Variants in TBL1XR1 observed in about 807,000 individuals in gnomAD.
TBL1XR1 encodes F-box-like/WD repeat-containing protein TBL1XR1.
A neutral mutation model predicts 66.9 loss-of-function variants in TBL1XR1; 5 were observed. The ratio of observed to expected loss-of-function variants is 0.07; its 90% confidence interval spans 0.04 to 0.16. TBL1XR1 has a LOEUF of 0.16. Among genes scored for constraint, TBL1XR1 ranks in the 10% least tolerant of loss-of-function variants. The probability of loss-of-function intolerance (pLI) is 1.00; values close to 1 mark genes in which losing one functional copy is unlikely to be tolerated. For synonymous variants in TBL1XR1, 210 were observed against 206.0 expected, an observed-to-expected ratio of 1.02 and a Z score of -0.17; for missense variants, 238 against 623.2, an observed-to-expected ratio of 0.38 and a Z score of 6.58.
intron 10 of TBL1XR1, among the ~76,000 whole-genome samples, chr3:177,038,848 T>C (rs1715171785): frequency 6.6e-6 from 1 of 152,170 alleles, no homozygotes; most frequent in African/African-American, 2.4e-5. Flanking sequence ...CACAAGCAAG[T>C]CACTTAACCT....
chr3:177,044,355 T>C (rs546631128), intron 10 of TBL1XR1, among the ~76,000 whole-genome samples: 5 of 152,158 alleles, frequency 3.3e-5, no homozygotes, highest in Non-Finnish European at 5.9e-5. Flanking sequence ...TACCAACTAA[T>C]AGCCAGCTGC....
chr3:177,049,825 G>T (rs1160707946), intron 7 of TBL1XR1, among the ~76,000 whole-genome samples, 172 bp downstream of exon 7: 1 of 152,172 alleles, frequency 6.6e-6, no homozygotes, highest in Non-Finnish European at 1.5e-5. Context: ...ACTAAGGCAA[G>T]TCTGTGTCCC....
chr3:177,058,586 A>T (rs1216697775), intron 3 of TBL1XR1, among the ~76,000 whole-genome samples: 2 of 152,242 alleles, frequency 1.3e-5, no homozygotes, highest in African/African-American at 2.4e-5. Context: ...ATCTATATGT[A>T]TAGGCTTTTG....
At chr3:177,035,387 A>G (rs1576986249) in intron 12 of TBL1XR1, among the ~76,000 whole-genome samples, 1 of 146,786 alleles carries the variant, frequency 6.8e-6, no homozygotes. Context: ...ACTCTGTACT[A>G]CCTACACAGT....
chr3:177,106,258 C>T (rs1323706657), intron 1 of TBL1XR1, among the ~76,000 whole-genome samples: 1 of 151,890 alleles, frequency 6.6e-6, no homozygotes, highest in Admixed American at 6.6e-5. Flanking sequence ...GTATTTTTTT[C>T]CTATTCAATA....
intron 12 of TBL1XR1, among the ~76,000 whole-genome samples, chr3:177,035,419 T>TTC (rs1714637530): frequency 6.6e-6 from 1 of 150,740 alleles, no homozygotes; most frequent in Non-Finnish European, 1.5e-5. Flanking sequence ...CCCAATTTTT[T>TTC]TTTTTTTTTT....
intron 1 of TBL1XR1, among the ~76,000 whole-genome samples, chr3:177,149,497 T>G (rs1195155688): frequency 1.3e-5 from 2 of 152,230 alleles, no homozygotes; most frequent in Admixed American, 1.3e-4. Flanking sequence ...AATGGCTAAT[T>G]TACTAATAGG....
rs545822910 is a variant in TBL1XR1, at chr3:177,065,800, A to T, written c.-45-778T>A. Among the ~76,000 whole-genome samples the T allele has an allele frequency of 7.9e-5, 12 of 152,342 alleles. No individual in the cohort carries two copies. In the South Asian group the frequency reaches 2.1e-3, roughly 26 times the overall value. On this transcript the variant is annotated intron_variant, in intron 2 of 15. Transcript: ENST00000457928. ...CCATACAGCCTGTTACAATTACTCA[A>T]TTCTGCTGTGTGGTGCAAAAGCAGC...
chr3:177,030,131 T>TAGAGAG (rs72403499), intron 14 of TBL1XR1, among the ~76,000 whole-genome samples: 6 of 149,388 alleles, frequency 4.0e-5, no homozygotes, highest in African/African-American at 1.5e-4. Flanking sequence ...TATATATATA[T>TAGAGAG]AGAGAGAGAG....
intron 2 of TBL1XR1, chr3:177,078,801 T>G (rs976945731): frequency 4.0e-5 from 6 of 150,806 alleles, no homozygotes; most frequent in Admixed American, 2.6e-4. Flanking sequence ...TACAAAAAAT[T>G]AGCCGAGCAT....
intron 1 of TBL1XR1, among the ~76,000 whole-genome samples, chr3:177,111,076 G>A (rs1725494585): frequency 6.6e-6 from 1 of 152,154 alleles, no homozygotes; most frequent in African/African-American, 2.4e-5. Context: ...CAGGCTAGCA[G>A]GGCAGTATCA....
rs200168444 is a variant in TBL1XR1 at position 177,157,221 on chromosome 3, G to GA, written c.-122+39899dup. On this transcript the variant is annotated intron_variant, in intron 1 of 15. Coordinates refer to ENST00000457928, the MANE Select transcript of TBL1XR1 (RefSeq NM_024665.7). ...GAGACTCTATCTCAAAAAACAAAAAGAAAAAAAAATTTCCTCTCCGGAGGC... is the reference window on the plus strand; with the variant it reads ...GAGACTCTATCTCAAAAAACAAAAAGAAAAAAAAAATTTCCTCTCCGGAGGC... Among the ~76,000 whole-genome samples, 76 of 151,578 alleles carry GA rather than the reference G, an allele frequency of 5.0e-4. No individual in the cohort carries two copies. In the East Asian group the frequency reaches 0.013, roughly 27 times the overall value.
chr3:177,072,700 C>T (rs866638422), intron 2 of TBL1XR1, among the ~76,000 whole-genome samples: 1 of 152,100 alleles, frequency 6.6e-6, no homozygotes, highest in Non-Finnish European at 1.5e-5. Flanking sequence ...CATGGAACAG[C>T]GTTTATACTT....
At chr3:177,147,597 A>C (rs1730408680) in intron 1 of TBL1XR1, among the ~76,000 whole-genome samples, 1 of 152,240 alleles carries the variant, frequency 6.6e-6, no homozygotes, top group African/African-American at 2.4e-5. Context: ...GGTTGGCTAC[A>C]GGCATCTTCT....
At position 177,082,849 on chromosome 3, in the gene TBL1XR1, A is replaced by C. The variant is rs539945326; in HGVS notation, c.-46+15617T>G. Among the ~76,000 whole-genome samples the C allele has an allele frequency of 2.0e-5, 3 of 146,714 alleles. No homozygotes were observed. In the East Asian group the frequency reaches 6.1e-4, roughly 30 times the overall value. ...GGGCTCACTGCAAGCTCCACCTCCC[A>C]GGTTCACGCCATTCTCCTGCCTCAG... On this transcript the variant is annotated intron_variant, in intron 2 of 15. Transcript: ENST00000457928.
intron 1 of TBL1XR1, among the ~76,000 whole-genome samples, chr3:177,172,076 A>G (rs563090659): frequency 2.6e-4 from 39 of 152,122 alleles, no homozygotes; most frequent in African/African-American, 8.9e-4. Context: ...CCTGGCTAAC[A>G]TGGTGAAACC....
chr3:177,096,335 T>TACACACACACACACACACACAC lies in TBL1XR1; in HGVS notation c.-46+2130_-46+2131insGTGTGTGTGTGTGTGTGTGTGT, dbSNP rs6148210. Reference sequence around the variant, plus strand: ...TCTAACACACACTAACATACATACATACACACACACACACACACTTAAATT... The same window carrying TACACACACACACACACACACAC: ...TCTAACACACACTAACATACATACATACACACACACACACACACACACACACACACACACACACACTTAAATT... On this transcript the variant is annotated intron_variant, in intron 2 of 15. Transcript: ENST00000457928. Among the ~76,000 whole-genome samples, 65 of 150,300 alleles carry TACACACACACACACACACACAC rather than the reference T, an allele frequency of 4.3e-4. 1 individual carries two copies. Among genetic ancestry groups the TACACACACACACACACACACAC allele is most frequent in the Admixed American group, 1.7e-3 (26 of 15,068 alleles).
chr3:177,044,678 A>G (rs1371178866), intron 10 of TBL1XR1, among the ~76,000 whole-genome samples: 1 of 152,186 alleles, frequency 6.6e-6, no homozygotes, highest in African/African-American at 2.4e-5. Flanking sequence ...CCTCAATAAA[A>G]TTGTCTTAAA....
chr3:177,026,974 T>C (rs1713222345), intron 14 of TBL1XR1: 1 of 152,510 alleles, frequency 6.6e-6, no homozygotes, highest in African/African-American at 2.4e-5. Flanking sequence ...TAGGGGATTA[T>C]AAAAGAAGCT....
Sources: gnomAD v4.1 joint callset for allele counts (sites outside exome capture counted in the v4.1 genomes callset) on GRCh38, gnomAD v4.1.1 for gene constraint, MANE v1.5 for transcripts, NCBI Gene and HGNC (gene_info 2026-07-23, HGNC 2026-07-21) for gene names.